STARD13: variants seen among roughly 807,000 people sequenced by gnomAD.
STARD13 encodes stAR-related lipid transfer protein 13.
In STARD13, 62 loss-of-function variants were observed where a neutral mutation model predicts 106.4. That is an observed-to-expected ratio of 0.58 (90% CI 0.48 to 0.72). The LOEUF is 0.72. Among genes scored for constraint, STARD13 ranks in the 30% least tolerant of loss-of-function variants. The probability of loss-of-function intolerance (pLI) is 0.00; values close to 1 mark genes in which losing one functional copy is unlikely to be tolerated. For synonymous variants in STARD13, 565 were observed against 553.0 expected (o/e 1.02, Z -0.31); for missense variants, 1,387 against 1,424.0 (o/e 0.97, Z 0.42).
chr13:33,162,147 CA>C (rs1208449534), intron 3 of STARD13, among the ~76,000 whole-genome samples: 2 of 152,196 alleles, frequency 1.3e-5, no homozygotes, highest in Admixed American at 1.3e-4. Context: ...AACAGTCCCC[CA>C]AAGTCTTAAC....
rs997308144 is a variant in STARD13 at position 33,118,283 on chromosome 13, A to T, written c.2083-20T>A. 1 of 1,608,016 alleles carries T rather than the reference A, an allele frequency of 6.2e-7. No homozygotes were observed. Among genetic ancestry groups the T allele is most frequent in the South Asian group, 1.1e-5 (1 of 90,928 alleles). On this transcript the variant is annotated intron_variant, in intron 7 of 13. Transcript: ENST00000336934. ...ACCCACCTGAAACAAAGCCATAGGG[A>T]TGTGTCAGCCAGGCCACACTTGGTT... is the stretch of plus-strand genomic sequence containing the variant.
At chr13:33,316,467 A>G (rs1056794758) in intron 1 of STARD13, among the ~76,000 whole-genome samples, 2 of 152,222 alleles carry the variant, frequency 1.3e-5, no homozygotes, top group Non-Finnish European at 2.9e-5. Context: ...ATCACATGCC[A>G]GAAGCTGTCC....
At chr13:33,622,614 CAAAAAAAAAAAA>C in the STARD13 span, among the ~76,000 whole-genome samples, 1 of 28,180 alleles carries the variant, frequency 3.5e-5, no homozygotes, top group Admixed American at 7.0e-4. Flanking sequence ...GACTCCGTCT[CAAAAAAAAAAAA>C]AAAAAAAAAA....
the STARD13 span, among the ~76,000 whole-genome samples, chr13:33,439,324 A>G: frequency 3.3e-5 from 5 of 152,244 alleles, no homozygotes; most frequent in Non-Finnish European, 7.3e-5. Flanking sequence ...TATTTTCAAG[A>G]GGCCTTACCT....
chr13:33,414,047 A>AAAAAAAAAAAAAG, the STARD13 span, among the ~76,000 whole-genome samples: 14 of 143,704 alleles, frequency 9.7e-5, 1 homozygote, highest in African/African-American at 3.6e-4. Context: ...AAAAAAAAAA[A>AAAAAAAAAAAAAG]AAAGAAAAGA....
the STARD13 span, among the ~76,000 whole-genome samples, chr13:33,436,220 T>C: frequency 1.3e-5 from 2 of 152,226 alleles, no homozygotes; most frequent in Non-Finnish European, 2.9e-5. Context: ...TTTCTTCAGA[T>C]GTGATTTTAT....
chr13:33,239,649 A>G (rs1889367563), intron 1 of STARD13, among the ~76,000 whole-genome samples: 1 of 152,190 alleles, frequency 6.6e-6, no homozygotes, highest in Non-Finnish European at 1.5e-5. Flanking sequence ...AGTGATACCA[A>G]GCATCTTTTC....
chr13:33,627,780 T>C, the STARD13 span, among the ~76,000 whole-genome samples: 1 of 152,158 alleles, frequency 6.6e-6, no homozygotes, highest in South Asian at 2.1e-4. Context: ...GCCTAGCCCT[T>C]AATTTATGTA....
the STARD13 span, among the ~76,000 whole-genome samples, chr13:33,392,083 G>A: frequency 2.0e-5 from 3 of 152,264 alleles, no homozygotes; most frequent in South Asian, 4.1e-4. Flanking sequence ...AGTTGCTTAA[G>A]ATTGTATAGA....
chr13:33,423,601 C>T, the STARD13 span, among the ~76,000 whole-genome samples: 95 of 152,132 alleles, frequency 6.2e-4, no homozygotes, highest in Non-Finnish European at 1.1e-3. Context: ...TGGGTATATA[C>T]CCAAAGGATT....
chr13:33,655,693 A>G, the STARD13 span, among the ~76,000 whole-genome samples: 1 of 152,230 alleles, frequency 6.6e-6, no homozygotes, highest in East Asian at 1.9e-4. Context: ...ACTCCCAAGA[A>G]TTCTATATAG....
chr13:33,277,912 T>A (rs1030385826), intron 1 of STARD13: 22 of 152,224 alleles, frequency 1.4e-4, no homozygotes, highest in African/African-American at 4.8e-4. Flanking sequence ...CTTTACTCAG[T>A]TGACTTTTAA....
At chr13:33,139,778 A>G (rs2764612) in intron 4 of STARD13, among the ~76,000 whole-genome samples, 54,055 of 151,748 alleles carry the variant, frequency 0.36, 10,146 homozygotes, top group Non-Finnish European at 0.43. Context: ...ACAGTAAAAT[A>G]AGGGATTAAA....
the STARD13 span, among the ~76,000 whole-genome samples, chr13:33,435,439 C>T: frequency 1.5e-3 from 225 of 152,204 alleles, no homozygotes; most frequent in African/African-American, 5.0e-3. Flanking sequence ...CTTTATGTGG[C>T]ACTTGCATTT....
chr13:33,130,058 C>A lies in STARD13; in HGVS notation c.619G>T (p.Asp207Tyr). 6.2e-7 allele frequency: 1 copy of A among 1,613,820 alleles called. No individual in the cohort carries two copies. Among genetic ancestry groups the A allele is most frequent in the Non-Finnish European group, 8.5e-7 (1 of 1,179,938 alleles). Residue 207 changes from aspartate (D) to tyrosine (Y), a missense_variant, in exon 5 of 14, where the codon GAC (aspartate) becomes TAC (tyrosine). Asp to Tyr is a radical substitution (Grantham distance 160). Transcript: ENST00000336934. The surrounding 1 kb of genome is among the most constrained non-coding windows in gnomAD (Gnocchi z 4.1). ...SIHSESSGGSDSRSQPGQCCT... is the reference protein window; with the variant it reads ...SIHSESSGGSYSRSQPGQCCT... Reference sequence around the variant, plus strand: ...CACTGGCCCGGCTGGCTGCGACTGTCGCTGCCTCCACTGCTTTCGCTGTGA... The same window carrying A: ...CACTGGCCCGGCTGGCTGCGACTGTAGCTGCCTCCACTGCTTTCGCTGTGA...
At chr13:33,113,695 G>A (rs1268318549) in intron 8 of STARD13, 7 of 437,926 alleles carry the variant, frequency 1.6e-5, no homozygotes, top group African/African-American at 1.4e-4. Flanking sequence ...AAGGTTATGG[G>A]GGATGTCTGG....
At chr13:33,205,156 G>A (rs1219996175) in intron 1 of STARD13, among the ~76,000 whole-genome samples, 3 of 152,164 alleles carry the variant, frequency 2.0e-5, no homozygotes, top group Non-Finnish European at 4.4e-5. Context: ...AACAGCCCAA[G>A]TCCAACTTTG....
the STARD13 span, among the ~76,000 whole-genome samples, chr13:33,586,579 T>C: frequency 6.6e-6 from 1 of 152,216 alleles, no homozygotes; most frequent in African/African-American, 2.4e-5. Context: ...CTAGCATAGT[T>C]TGACATCTGG....
At chr13:33,478,280 G>C in the STARD13 span, among the ~76,000 whole-genome samples, 1 of 151,926 alleles carries the variant, frequency 6.6e-6, no homozygotes, top group Admixed American at 6.6e-5. Flanking sequence ...CCAAATCCTT[G>C]GTGTTTCAGT....
Sources: allele counts gnomAD v4.1 joint callset (sites outside exome capture counted in the v4.1 genomes callset), GRCh38; gene constraint gnomAD v4.1.1; non-coding constraint Gnocchi (gnomAD v3.1); transcripts MANE v1.5; gene names NCBI Gene and HGNC (gene_info 2026-07-23, HGNC 2026-07-21).